Variants in TMX3 observed in about 807,000 individuals in gnomAD.
TMX3 encodes the protein thioredoxin related transmembrane protein 3, also known as protein disulfide-isomerase TMX3.
TMX3 carries 40 observed loss-of-function variants against 64.4 expected under a neutral mutation model. That is an observed-to-expected ratio of 0.62 (90% CI 0.48 to 0.81). TMX3 has a LOEUF of 0.81. TMX3 is among the 30% of genes least tolerant of loss of function. The pLI is 0.00. For synonymous variants in TMX3, 189 were observed against 175.7 expected (o/e 1.08, Z -0.60); for missense variants, 497 against 534.5 (o/e 0.93, Z 0.69).
chr18:68,701,510 T>C lies in TMX3; in HGVS notation c.311+235A>G, dbSNP rs554814848. The C allele has an allele frequency of 6.2e-6, 5 of 808,696 alleles. No homozygotes were observed. In the African/African-American group the frequency reaches 7.0e-5, roughly 11 times the overall value. The allele number at this position is 808,696 out of a possible 1,614,324, so 50.1% of individuals were successfully genotyped here. A position where few individuals can be genotyped will look rare whatever the true frequency, so the allele number is the denominator to read the frequency against. Reference sequence around the variant, plus strand: ...ATGACTGTATACTTGTCCTGCACAGTGCGTGTCACACAGCAAGCAAAACAC... The same window carrying C: ...ATGACTGTATACTTGTCCTGCACAGCGCGTGTCACACAGCAAGCAAAACAC... On this transcript the variant is annotated intron_variant, in intron 5 of 15. Transcript: ENST00000299608.
intron 12 of TMX3, among the ~76,000 whole-genome samples, chr18:68,683,906 T>A (rs1183330686): frequency 6.6e-6 from 1 of 152,278 alleles, no homozygotes; most frequent in East Asian, 1.9e-4. Context: ...TATTAATTAC[T>A]GTTGTTGATC....
intron 8 of TMX3, among the ~76,000 whole-genome samples, chr18:68,696,418 T>C (rs1022406159): frequency 2.6e-5 from 4 of 152,078 alleles, no homozygotes; most frequent in African/African-American, 9.7e-5. Context: ...GTGATCTGCC[T>C]GCCTCGGCCT....
rs1349173644 is a variant in TMX3, at chr18:68,684,259, CAT to C, written c.795-18_795-17del. ...TGACTTCAATCTGTAGAAGAACAAA[CAT>C]ATGAATAGTTCATCTCTGCACTTGA... On this transcript the variant is annotated splice_polypyrimidine_tract_variant and intron_variant, in intron 11 of 15. Coordinates refer to ENST00000299608, the MANE Select transcript of TMX3 (RefSeq NM_019022.5). 2.5e-6 allele frequency: 4 copies of C among 1,603,288 alleles called. No individual in the cohort carries two copies. In the Admixed American group the frequency reaches 5.0e-5, roughly 20 times the overall value.
chr18:68,684,025 G>A (rs1913701949), intron 12 of TMX3, among the ~76,000 whole-genome samples, 165 bp downstream of exon 12: 1 of 152,026 alleles, frequency 6.6e-6, no homozygotes, highest in Admixed American at 6.6e-5. Context: ...GTCACCCACT[G>A]GGGGTCTTGG....
At chr18:68,702,313 G>A (rs974363848) in intron 4 of TMX3, among the ~76,000 whole-genome samples, 11 of 151,500 alleles carry the variant, frequency 7.3e-5, no homozygotes, top group East Asian at 1.9e-4. Flanking sequence ...ACAGAGGATC[G>A]AAAAGCAACT....
At chr18:68,687,545 G>T in intron 10 of TMX3, 122 bp downstream of exon 10, 1 of 1,464,666 alleles carries the variant, frequency 6.8e-7, no homozygotes, top group Admixed American at 2.8e-5. Context: ...CTGGCATTCA[G>T]ATCTAAAATA....
chr18:68,677,316 G>T, intron 15 of TMX3, 123 bp from the exon 16 acceptor site: 1 of 1,030,554 alleles, frequency 9.7e-7, no homozygotes. Flanking sequence ...TAGTTCCAAT[G>T]AATCAATCAT....
At chr18:68,709,234 T>C (rs1011318503) in intron 4 of TMX3, among the ~76,000 whole-genome samples, 2 of 152,278 alleles carry the variant, frequency 1.3e-5, no homozygotes, top group Non-Finnish European at 1.5e-5. Context: ...AGGATTTGAA[T>C]CAAAATCTGC....
chr18:68,712,485 A>G (rs1323881003), intron 2 of TMX3, among the ~76,000 whole-genome samples: 4 of 152,162 alleles, frequency 2.6e-5, no homozygotes, highest in African/African-American at 9.7e-5. Context: ...CTGGTTGCAC[A>G]TCTGCTTGCT....
In TMX3 at chr18:68,710,144, A is replaced by G. The variant is rs748736165; in HGVS notation, c.142T>C (p.Phe48Leu). ...NRNDDIWLVD[F>L]YAPWCGHCKK... ...CAATGGCCACACCATGGCGCATAAA[A>G]CTTGTTTTAAAAAAACAAACAACAA... The change falls in exon 4 of 16, where the codon TTT becomes CTT. Residue 48 changes from phenylalanine (F) to leucine (L), a missense_variant and splice_region_variant. By Grantham distance (22) the Phe-to-Leu change is conservative. This residue lies in a region of TMX3 where 360 missense variants were observed against 383.5 expected (regional missense o/e 0.94). Transcript: ENST00000299608. The G allele has an allele frequency of 6.5e-7, 1 of 1,534,074 alleles. No homozygotes were observed. Among genetic ancestry groups the G allele is most frequent in the Non-Finnish European group, 8.7e-7 (1 of 1,145,502 alleles).
chr18:68,709,981 C>A (rs376433813), intron 4 of TMX3, 40 bp downstream of exon 4: 19 of 1,527,900 alleles, frequency 1.2e-5, no homozygotes, highest in Non-Finnish European at 1.6e-5. Flanking sequence ...AATGTTTTTG[C>A]TGTGAGAACA....
At chr18:68,713,124 G>T (rs1237312345) in intron 2 of TMX3, among the ~76,000 whole-genome samples, 1 of 152,022 alleles carries the variant, frequency 6.6e-6, no homozygotes, top group East Asian at 1.9e-4. Context: ...ATTTCCTACA[G>T]CACTGAACAA....
intron 8 of TMX3, among the ~76,000 whole-genome samples, chr18:68,694,464 G>A (rs999273156): frequency 5.3e-5 from 8 of 152,276 alleles, no homozygotes; most frequent in Admixed American, 2.6e-4. Flanking sequence ...CTGGCTGTGC[G>A]CAGTGGCCAG....
chr18:68,693,748 CCCAG>C (rs1218629941), intron 8 of TMX3, among the ~76,000 whole-genome samples: 2 of 151,920 alleles, frequency 1.3e-5, no homozygotes, highest in Non-Finnish European at 2.9e-5. Flanking sequence ...GGGGTGGGTC[CCCAG>C]TAAAACCCCA....
At chr18:68,704,182 C>G (rs975281103) in intron 4 of TMX3, among the ~76,000 whole-genome samples, 3 of 152,082 alleles carry the variant, frequency 2.0e-5, no homozygotes, top group Admixed American at 1.3e-4. Flanking sequence ...AATGCTAGAT[C>G]CTTTTCCTTT....
chr18:68,701,606 A>C, intron 5 of TMX3, 139 bp downstream of exon 5: 1 of 1,524,868 alleles, frequency 6.6e-7, no homozygotes, highest in South Asian at 1.2e-5. Context: ...CCTCTCCTTT[A>C]ATTACATACT....
At chr18:68,706,393 A>T (rs2030667953) in intron 4 of TMX3, 1 of 152,234 alleles carries the variant, frequency 6.6e-6, no homozygotes, top group African/African-American at 2.4e-5. Context: ...CTTGGGCAAT[A>T]AGAGCAAAAC....
Position 68,682,915 on chromosome 18 carries a change from C to T in TMX3, c.905+10G>A. 6.2e-7 allele frequency: 1 copy of T among 1,601,300 alleles called. No individual in the cohort carries two copies. Among genetic ancestry groups the T allele is most frequent in the Non-Finnish European group, 8.5e-7 (1 of 1,172,946 alleles). On this transcript the variant is annotated intron_variant, in intron 13 of 15. Transcript: ENST00000299608. ...GATTTGACAGCAAAATCATTCAGCA[C>T]TTTACTTACTCCATCAGCAAGGTAT...
At position 68,674,738 on chromosome 18, in the gene TMX3, A is replaced by G. The variant is rs1048818486; in HGVS notation, c.*2195T>C. 6.6e-6 allele frequency: 1 copy of G among 152,128 alleles called. No individual in the cohort carries two copies. The allele number at this position is 152,128 out of a possible 1,614,324, so 9.4% of individuals were successfully genotyped here. A position where few individuals can be genotyped will look rare whatever the true frequency, so the allele number is the denominator to read the frequency against. Reference sequence around the variant, plus strand: ...AAATAAACATCTCCCAAAGTAGAGAAAAAAACAAAATTTTAATACAAGAAG... The same window carrying G: ...AAATAAACATCTCCCAAAGTAGAGAGAAAAACAAAATTTTAATACAAGAAG... On this transcript the variant is annotated 3_prime_UTR_variant, in exon 16 of 16. Transcript: ENST00000299608.
Sources: gnomAD v4.1 joint callset for allele counts (sites outside exome capture counted in the v4.1 genomes callset) on GRCh38, gnomAD v4.1.1 for gene constraint, gnomAD v4.1.1 regional missense constraint, MANE v1.5 for transcripts, NCBI Gene and HGNC (gene_info 2026-07-23, HGNC 2026-07-21) for gene names.